TG: variants seen among roughly 807,000 people sequenced by gnomAD.
The protein encoded by TG is thyroglobulin.
A neutral mutation model predicts 324.7 loss-of-function variants in TG; 270 were observed. The observed-to-expected ratio is 0.83, with a 90% CI of 0.75 to 0.92. The LOEUF is 0.92. TG is among the 40% of genes least tolerant of loss of function. The pLI, the probability that TG is intolerant of heterozygous loss-of-function variation, is 0.00. For synonymous variants in TG, 1,401 were observed against 1,327.0 expected (o/e 1.06, Z -1.21); for missense variants, 3,591 against 3,456.4 (o/e 1.04, Z -0.98).
chr8:133,125,755 G>A (rs1056718435), intron 45 of TG, among the ~76,000 whole-genome samples: 1 of 152,156 alleles, frequency 6.6e-6, no homozygotes, highest in Non-Finnish European at 1.5e-5. Context: ...CTTGAATTGT[G>A]GCACTTGAAT....
intron 45 of TG, among the ~76,000 whole-genome samples, chr8:133,122,885 T>C (rs1400914830): frequency 2.6e-5 from 4 of 152,328 alleles, no homozygotes; most frequent in Admixed American, 2.0e-4. Context: ...TCCCACGGTC[T>C]GTCTCTGGAG....
At chr8:132,919,240 AGGTTCTCAGT>A in intron 20 of TG, 126 bp from the exon 21 acceptor site, 1 of 920,268 alleles carries the variant, frequency 1.1e-6, no homozygotes, top group Non-Finnish European at 1.7e-6. Flanking sequence ...GACACACAGT[AGGTTCTCAGT>A]GGACATTTGT....
intron 27 of TG, among the ~76,000 whole-genome samples, chr8:132,955,384 C>G (rs972140316): frequency 6.6e-6 from 1 of 152,192 alleles, no homozygotes; most frequent in African/African-American, 2.4e-5. Context: ...CAATACTATT[C>G]TCACAGCTGA....
At chr8:132,873,654 A>G (rs909595433) in intron 5 of TG, among the ~76,000 whole-genome samples, 2 of 152,240 alleles carry the variant, frequency 1.3e-5, no homozygotes, top group African/African-American at 2.4e-5. Context: ...ACAGTATATT[A>G]TGATAATACA....
intron 47 of TG, 105 bp downstream of exon 47, chr8:133,133,765 C>T: frequency 7.7e-7 from 1 of 1,294,030 alleles, no homozygotes; most frequent in Admixed American, 2.0e-5. Flanking sequence ...GCCAAGGGGT[C>T]ACCAGTGCCA....
At chr8:132,954,369 CAA>C (rs1250604328) in intron 27 of TG, among the ~76,000 whole-genome samples, 1 of 152,068 alleles carries the variant, frequency 6.6e-6, no homozygotes, top group East Asian at 1.9e-4. Context: ...AACCATGAGA[CAA>C]AGATTCAGGA....
chr8:133,009,799 G>T (rs903533463), intron 35 of TG, among the ~76,000 whole-genome samples: 2 of 151,770 alleles, frequency 1.3e-5, no homozygotes, highest in Non-Finnish European at 2.9e-5. Context: ...GCACCACCAA[G>T]AACCCAATCA....
At chr8:132,961,706 G>C (rs937184725) in intron 28 of TG, among the ~76,000 whole-genome samples, 1 of 152,202 alleles carries the variant, frequency 6.6e-6, no homozygotes, top group Admixed American at 6.5e-5. Context: ...CCTCAGGAGG[G>C]AGCAGATAGA....
At chr8:132,890,764 T>A (rs995045427) in intron 10 of TG, among the ~76,000 whole-genome samples, 7 of 152,242 alleles carry the variant, frequency 4.6e-5, no homozygotes, top group Non-Finnish European at 7.3e-5. Flanking sequence ...TAATAAGTGA[T>A]GGCTGGATTA....
intron 27 of TG, among the ~76,000 whole-genome samples, chr8:132,955,310 C>T (rs1195383695): frequency 6.6e-6 from 1 of 152,184 alleles, no homozygotes; most frequent in African/African-American, 2.4e-5. Context: ...TGTTCAGTGG[C>T]CCCAGTGAAG....
At chr8:132,894,106 C>G (rs1029608685) in intron 11 of TG, among the ~76,000 whole-genome samples, 177 bp downstream of exon 11, 3 of 152,108 alleles carry the variant, frequency 2.0e-5, no homozygotes, top group East Asian at 1.9e-4. Context: ...GAATGCTGCA[C>G]GCATCTCTAA....
Position 132,892,685 on chromosome 8 carries a change from TTATG to T in TG, c.2762-999_2762-996del, listed in dbSNP as rs776962432. Among the ~76,000 whole-genome samples the T allele has an allele frequency of 6.0e-4, 91 of 151,596 alleles. 2 individuals are homozygous for T. Among genetic ancestry groups the T allele is most frequent in the Admixed American group, 5.3e-4 (8 of 15,224 alleles). On this transcript the variant is annotated intron_variant, in intron 10 of 47. Coordinates refer to ENST00000220616, the MANE Select transcript of TG (RefSeq NM_003235.5). ...TGTATGTGTGTGCTGTGGTGGGTGT[TTATG>T]TATGTGTGTGTGGTGTGTGTTTATG... is the stretch of plus-strand genomic sequence containing the variant.
chr8:132,888,744 T>C (rs775967822), intron 10 of TG, among the ~76,000 whole-genome samples, 176 bp downstream of exon 10: 1 of 152,166 alleles, frequency 6.6e-6, no homozygotes, highest in Non-Finnish European at 1.5e-5. Flanking sequence ...CTTCCCTGTA[T>C]CAACACAGTC....
chr8:133,011,668 G>A (rs978069445), intron 35 of TG, among the ~76,000 whole-genome samples: 9 of 152,024 alleles, frequency 5.9e-5, no homozygotes, highest in African/African-American at 9.7e-5. Flanking sequence ...TGTTTGTTTC[G>A]TTCTGTTTTC....
intron 39 of TG, among the ~76,000 whole-genome samples, chr8:133,020,038 T>C (rs2130930409): frequency 6.6e-6 from 1 of 152,182 alleles, no homozygotes; most frequent in East Asian, 1.9e-4. Context: ...GATTGATAAA[T>C]CGATTAGTCA....
intron 39 of TG, among the ~76,000 whole-genome samples, chr8:133,020,598 G>A (rs935863521): frequency 3.9e-5 from 6 of 152,130 alleles, no homozygotes; most frequent in African/African-American, 1.2e-4. Flanking sequence ...TTTCTCTGTG[G>A]CATTTAAAAA....
chr8:132,869,145 T>TG (rs1839240529), intron 2 of TG, among the ~76,000 whole-genome samples: 1 of 152,224 alleles, frequency 6.6e-6, no homozygotes, highest in Admixed American at 6.5e-5. Flanking sequence ...TCTGGCCTCT[T>TG]GCAGTTTCAA....
At chr8:132,979,864 A>G (rs1288679841) in intron 34 of TG, among the ~76,000 whole-genome samples, 1 of 152,198 alleles carries the variant, frequency 6.6e-6, no homozygotes, top group Non-Finnish European at 1.5e-5. Flanking sequence ...GTTAAGTCTC[A>G]GTCCCAGAAG....
intron 22 of TG, among the ~76,000 whole-genome samples, chr8:132,926,557 T>C (rs860471): frequency 0.4 from 61,471 of 152,086 alleles, 15,202 homozygotes; most frequent in Admixed American, 0.53. Flanking sequence ...TTTGACAGAA[T>C]GAATAAATTT....
Sources: allele counts gnomAD v4.1 joint callset (sites outside exome capture counted in the v4.1 genomes callset), GRCh38; gene constraint gnomAD v4.1.1; transcripts MANE v1.5; gene names NCBI Gene and HGNC (gene_info 2026-07-23, HGNC 2026-07-21).